NCOA5: variants seen among roughly 807,000 people sequenced by gnomAD.
NCOA5 encodes the protein nuclear receptor coactivator 5.
Under a neutral mutation model 59.0 loss-of-function variants are expected in NCOA5, and 12 were observed. The observed-to-expected ratio is 0.20, with a 90% CI of 0.13 to 0.33. The LOEUF is 0.33. Among genes scored for constraint, NCOA5 ranks in the 10% least tolerant of loss-of-function variants. The probability of loss-of-function intolerance (pLI) is 1.00; values close to 1 mark genes in which losing one functional copy is unlikely to be tolerated. For missense variants in NCOA5, 655 were observed against 766.6 expected, an observed-to-expected ratio of 0.85 and a Z score of 1.72; for synonymous variants, 270 against 275.5, an observed-to-expected ratio of 0.98 and a Z score of 0.20.
intron 5 of NCOA5, among the ~76,000 whole-genome samples, chr20:46,065,920 A>G (rs555982168): frequency 6.6e-6 from 1 of 152,324 alleles, no homozygotes; most frequent in South Asian, 2.1e-4. Context: ...GTGAAGATTA[A>G]AAATAATTTA....
At chr20:46,063,336 C>T in intron 7 of NCOA5, 24 bp downstream of exon 7, 4 of 1,604,720 alleles carry the variant, frequency 2.5e-6, no homozygotes, top group South Asian at 1.1e-5. Flanking sequence ...CAGAACTTCA[C>T]CTCGGCCCTG....
chr20:46,067,016 T>A, intron 5 of NCOA5, 39 bp downstream of exon 5: 1 of 1,604,566 alleles, frequency 6.2e-7, no homozygotes. Flanking sequence ...TTTCTCTGAC[T>A]CTTCTCCTTA....
chr20:46,062,997 A>T, intron 7 of NCOA5, 108 bp from the exon 8 acceptor site: 1 of 922,942 alleles, frequency 1.1e-6, no homozygotes, highest in Non-Finnish European at 1.6e-6. Context: ...ATCATACAGT[A>T]CACAGACGAT....
intron 1 of NCOA5, among the ~76,000 whole-genome samples, chr20:46,086,824 T>C (rs1441234854): frequency 3.9e-5 from 6 of 152,178 alleles, no homozygotes; most frequent in Non-Finnish European, 1.5e-5. Flanking sequence ...CTTCAAAATA[T>C]TCATGAGAGG....
rs552846822 is a variant in NCOA5 at position 46,062,197 on chromosome 20, G to A, written c.*103C>T. On this transcript the variant is annotated 3_prime_UTR_variant, in exon 8 of 8. Coordinates refer to ENST00000290231, the MANE Select transcript of NCOA5 (RefSeq NM_020967.3). ...TAGAAATTGATGACACTCGATGCCG[G>A]CCTGGGAGCGCAGAGAACATCCTCC... 1.1e-4 allele frequency: 91 copies of A among 857,878 alleles called. 2 individuals are homozygous for A. In the South Asian group the frequency reaches 1.4e-3, roughly 13 times the overall value. The allele number at this position is 857,878 out of a possible 1,614,324, so 53.1% of individuals were successfully genotyped here.
chr20:46,068,264 T>C (rs2084844962), intron 4 of NCOA5, among the ~76,000 whole-genome samples: 1 of 152,232 alleles, frequency 6.6e-6, no homozygotes, highest in African/African-American at 2.4e-5. Context: ...TGGAATTTCA[T>C]ATTTATTTCT....
chr20:46,063,686 G>A lies in NCOA5; in HGVS notation c.830-6C>T, dbSNP rs1330990374. 4.3e-6 allele frequency: 7 copies of A among 1,610,456 alleles called. No individual in the cohort carries two copies. Among genetic ancestry groups the A allele is most frequent in the African/African-American group, 1.3e-5 (1 of 74,824 alleles). On this transcript the variant is annotated splice_region_variant and splice_polypyrimidine_tract_variant and intron_variant, in intron 6 of 7. Coordinates refer to ENST00000290231, the MANE Select transcript of NCOA5 (RefSeq NM_020967.3). ...TTGGGGCATGTTGCGATGCTCTGTAGGAGGAAATGACATGAGTTATTTTCT... is the reference window on the plus strand; with the variant it reads ...TTGGGGCATGTTGCGATGCTCTGTAAGAGGAAATGACATGAGTTATTTTCT...
chr20:46,089,657 G>T lies in NCOA5; in HGVS notation c.-30+160C>A, dbSNP rs573352159. The stretch of plus-strand genomic sequence containing the variant: ...CCGGAGGCGGCCGCGCCCCGCACCG[G>T]GCATGCGCAGCACCGCGCGCACCCG... On this transcript the variant is annotated intron_variant, in intron 1 of 7. Coordinates refer to ENST00000290231, the MANE Select transcript of NCOA5 (RefSeq NM_020967.3). 5.2e-4 allele frequency among the ~76,000 whole-genome samples: 79 copies of T among 152,114 alleles called. 2 individuals are homozygous for T. The highest frequency in any genetic ancestry group is 4.4e-3 in the Admixed American group (67 of 15,288).
rs556331855 is a variant in NCOA5, at chr20:46,086,984, C to T, written c.-30+2833G>A. 7.2e-5 allele frequency among the ~76,000 whole-genome samples: 11 copies of T among 152,324 alleles called. No homozygotes were observed. The East Asian group carries it at 1.9e-3, about 27-fold the overall frequency. Reference sequence around the variant, plus strand: ...TTTGCTTGACCCTGAAATCAATTATCTCCAATGATGTCTTGAATATGTTCT... The same window carrying T: ...TTTGCTTGACCCTGAAATCAATTATTTCCAATGATGTCTTGAATATGTTCT... On this transcript the variant is annotated intron_variant, in intron 1 of 7. Transcript: ENST00000290231.
At chr20:46,084,407 A>G (rs2085025438) in intron 1 of NCOA5, among the ~76,000 whole-genome samples, 1 of 152,244 alleles carries the variant, frequency 6.6e-6, no homozygotes, top group Admixed American at 6.5e-5. Flanking sequence ...GAAAAGGTCC[A>G]GTCTATGCTA....
intron 2 of NCOA5, among the ~76,000 whole-genome samples, chr20:46,077,140 G>A (rs1488908981): frequency 1.3e-5 from 2 of 152,134 alleles, no homozygotes; most frequent in African/African-American, 2.4e-5. Flanking sequence ...AAACTCCTGA[G>A]CTCAAGTGAT....
chr20:46,070,550 C>A lies in NCOA5; in HGVS notation c.39-14G>T. ...CCATATGGATCCCTGTGGGAGGTAGCAAGAAAATGCTAAGACAAAGAAATT... is the reference window on the plus strand; with the variant it reads ...CCATATGGATCCCTGTGGGAGGTAGAAAGAAAATGCTAAGACAAAGAAATT... On this transcript the variant is annotated splice_polypyrimidine_tract_variant and intron_variant, in intron 2 of 7. Transcript: ENST00000290231. 1 of 1,606,268 alleles carries A rather than the reference C, an allele frequency of 6.2e-7. No individual in the cohort carries two copies. Among genetic ancestry groups the A allele is most frequent in the Non-Finnish European group, 8.5e-7 (1 of 1,174,806 alleles).
At chr20:46,066,314 T>C (rs917064285) in intron 5 of NCOA5, among the ~76,000 whole-genome samples, 3 of 152,202 alleles carry the variant, frequency 2.0e-5, no homozygotes, top group African/African-American at 7.2e-5. Context: ...CTTGGTAACA[T>C]GGTCATGTAA....
At chr20:46,082,101 C>T (rs1314385631) in intron 1 of NCOA5, among the ~76,000 whole-genome samples, 1 of 151,828 alleles carries the variant, frequency 6.6e-6, no homozygotes, top group Non-Finnish European at 1.5e-5. Context: ...TTTGAAAATG[C>T]AAATATTGAG....
rs1255503407 is a variant in NCOA5, at chr20:46,061,662, A to G, written c.*638T>C. On this transcript the variant is annotated 3_prime_UTR_variant, in exon 8 of 8. Coordinates refer to ENST00000290231, the MANE Select transcript of NCOA5 (RefSeq NM_020967.3). ...ATCTTCCAATGAAATGAAAACAAAA[A>G]AGAAAAGAGAAAAAAACAAAAAACA... 1 of 152,100 alleles carries G rather than the reference A, an allele frequency of 6.6e-6. No homozygotes were observed. Among genetic ancestry groups the G allele is most frequent in the African/African-American group, 2.4e-5 (1 of 41,238 alleles). 9.4% of individuals were successfully genotyped at this position (152,100 alleles called of 1,614,324 possible).
chr20:46,087,840 C>T (rs2085059876), intron 1 of NCOA5, among the ~76,000 whole-genome samples: 2 of 152,156 alleles, frequency 1.3e-5, no homozygotes, highest in Admixed American at 6.5e-5. Flanking sequence ...CTGAAACGGA[C>T]GCCGGGCTTA....
At position 46,061,348 on chromosome 20, in the gene NCOA5, A is replaced by C. The variant is rs2084759993; in HGVS notation, c.*952T>G. Reference sequence around the variant, plus strand: ...GTCGCGAACAGCCACCCATCTCGAGAACATGTCCAGCTACCAGAAGTCTGA... The same window carrying C: ...GTCGCGAACAGCCACCCATCTCGAGCACATGTCCAGCTACCAGAAGTCTGA... On this transcript the variant is annotated 3_prime_UTR_variant, in exon 8 of 8. Transcript: ENST00000290231. 1.3e-5 allele frequency: 2 copies of C among 152,678 alleles called. No individual in the cohort carries two copies. Among genetic ancestry groups the C allele is most frequent in the African/African-American group, 4.8e-5 (2 of 41,452 alleles). The allele number at this position is 152,678 out of a possible 1,614,324, so 9.5% of individuals were successfully genotyped here.
In NCOA5 at chr20:46,062,772, G is replaced by A. The variant is rs748066512; in HGVS notation, c.1268C>T (p.Ala423Val). The A allele has an allele frequency of 1.9e-5, 30 of 1,602,734 alleles. No homozygotes were observed. Among genetic ancestry groups the A allele is most frequent in the South Asian group, 9.0e-5 (8 of 88,602 alleles). ...AAGCTCTTGCTGGGAGGTGGGGGGT[G>A]CAGATGGAGTGGGTGTAGCAGAGGG... ...VLPSATPTPSAPPTSQQELQA... is the reference protein window; with the variant it reads ...VLPSATPTPSVPPTSQQELQA... Residue 423 changes from alanine (A) to valine (V), a missense_variant, in exon 8 of 8, where the codon GCA (alanine) becomes GTA (valine). By Grantham distance (64) the Ala-to-Val change is moderately conservative (BLOSUM62 0). Transcript: ENST00000290231.
At chr20:46,081,406 C>A (rs1326320780) in intron 1 of NCOA5, among the ~76,000 whole-genome samples, 1 of 152,066 alleles carries the variant, frequency 6.6e-6, no homozygotes, top group South Asian at 2.1e-4. Context: ...ATCACATGGT[C>A]ATGTATACTA....
Sources: allele counts gnomAD v4.1 joint callset (sites outside exome capture counted in the v4.1 genomes callset), GRCh38; gene constraint gnomAD v4.1.1; transcripts MANE v1.5; gene names NCBI Gene and HGNC (gene_info 2026-07-23, HGNC 2026-07-21).